The following USH2A variants were observed in gnomAD, a reference collection of about 807,000 sequenced individuals.
USH2A encodes Usher syndrome 2A (autosomal recessive, mild).
In USH2A, 443 loss-of-function variants were observed where a neutral mutation model predicts 538.9. The ratio of observed to expected loss-of-function variants is 0.82; its 90% CI spans 0.76 to 0.89. USH2A has a LOEUF of 0.89. USH2A is among the 40% of genes least tolerant of loss of function. The pLI is 0.00. For missense variants in USH2A, 6,633 were observed against 6,324.8 expected, an observed-to-expected ratio of 1.05 and a Z score of -1.65; for synonymous variants, 2,413 against 2,273.5, an observed-to-expected ratio of 1.06 and a Z score of -1.75.
At chr1:215,626,416 C>CAT (rs1250271647) in intron 71 of USH2A, among the ~76,000 whole-genome samples, 1 of 151,428 alleles carries the variant, frequency 6.6e-6, no homozygotes, top group Admixed American at 6.6e-5. Context: ...TGTATATATA[C>CAT]ATATATATAC....
At chr1:215,892,234 G>A (rs879882725) in intron 40 of USH2A, among the ~76,000 whole-genome samples, 1 of 152,114 alleles carries the variant, frequency 6.6e-6, no homozygotes, top group Non-Finnish European at 1.5e-5. Context: ...CAGTGGTTTT[G>A]TGAGTCTTCT....
Position 215,953,415 on chromosome 1 carries a change from C to G in USH2A, c.7120+11902G>C, listed in dbSNP as rs536183065. 3.9e-4 allele frequency among the ~76,000 whole-genome samples: 60 copies of G among 152,242 alleles called. 1 individual carries two copies. The highest frequency in any genetic ancestry group is 1.3e-3 in the African/African-American group (56 of 41,552). ...AGCCCTCAGAAATAATGCTGCATAT[C>G]TACAACTATCTGATCTTTGGCAAAC... On this transcript the variant is annotated intron_variant, in intron 37 of 71. Coordinates refer to ENST00000307340, the MANE Select transcript of USH2A (RefSeq NM_206933.4).
At chr1:216,311,290 C>T (rs555057888) in intron 9 of USH2A, among the ~76,000 whole-genome samples, 1 of 152,084 alleles carries the variant, frequency 6.6e-6, no homozygotes, top group African/African-American at 2.4e-5. Context: ...GGTCTCTTTC[C>T]GGTAACCCAG....
intron 69 of USH2A, among the ~76,000 whole-genome samples, chr1:215,635,748 G>C (rs1446026088): frequency 6.6e-6 from 1 of 151,796 alleles, no homozygotes; most frequent in Non-Finnish European, 1.5e-5. Context: ...TAGAGATGGG[G>C]TTTCACCATG....
At chr1:216,155,064 G>A (rs1038511051) in intron 21 of USH2A, among the ~76,000 whole-genome samples, 2 of 152,018 alleles carry the variant, frequency 1.3e-5, no homozygotes, top group Non-Finnish European at 2.9e-5. Context: ...ACAAAATTAC[G>A]ACAGTAAGAG....
chr1:216,378,421 C>T (rs950586819), intron 3 of USH2A, among the ~76,000 whole-genome samples: 1 of 152,042 alleles, frequency 6.6e-6, no homozygotes, highest in African/African-American at 2.4e-5. Flanking sequence ...TCCACAAATC[C>T]ACCTTTGAAT....
intron 9 of USH2A, among the ~76,000 whole-genome samples, chr1:216,318,815 C>T (rs2037553695): frequency 6.6e-6 from 1 of 152,150 alleles, no homozygotes; most frequent in Admixed American, 6.5e-5. Flanking sequence ...CATTCACCAC[C>T]TGAGACCAAG....
chr1:215,680,894 TA>T lies in USH2A; in HGVS notation c.12067-519del, dbSNP rs199857226. Among the ~76,000 whole-genome samples, 768 of 152,254 alleles carry T rather than the reference TA, an allele frequency of 5.0e-3. 6 individuals are homozygous for T. Among genetic ancestry groups the T allele is most frequent in the African/African-American group, 0.018 (728 of 41,554 alleles). On this transcript the variant is annotated intron_variant, in intron 61 of 71. Transcript: ENST00000307340. ...ATTCTCTTGGCATGTATATATATCT[TA>T]CGAATTCAATAAAACAAATAAACAC... is the stretch of plus-strand genomic sequence containing the variant.
intron 9 of USH2A, among the ~76,000 whole-genome samples, chr1:216,319,796 G>A (rs1443052396): frequency 1.3e-5 from 2 of 152,132 alleles, no homozygotes; most frequent in African/African-American, 4.8e-5. Flanking sequence ...AAGCAAATTA[G>A]ATCAGAGTAA....
chr1:216,208,011 A>G (rs2035154938), intron 15 of USH2A, among the ~76,000 whole-genome samples: 1 of 152,114 alleles, frequency 6.6e-6, no homozygotes. Flanking sequence ...CACCTGTTAG[A>G]GGTGTTTTTA....
intron 32 of USH2A, among the ~76,000 whole-genome samples, chr1:216,016,579 T>C (rs1436493457): frequency 2.0e-5 from 3 of 152,184 alleles, no homozygotes; most frequent in African/African-American, 7.2e-5. Flanking sequence ...GCGTAGTTTG[T>C]ACTCTACTGA....
chr1:216,011,751 C>A (rs1041494021), intron 32 of USH2A, among the ~76,000 whole-genome samples: 3 of 152,056 alleles, frequency 2.0e-5, no homozygotes, highest in African/African-American at 7.2e-5. Flanking sequence ...CTTCCTCATA[C>A]CTGACGCATA....
At chr1:216,416,328 T>A (rs1181215394) in intron 3 of USH2A, among the ~76,000 whole-genome samples, 3 of 152,134 alleles carry the variant, frequency 2.0e-5, no homozygotes, top group Non-Finnish European at 2.9e-5. Context: ...TAATGCTGCA[T>A]ACCCCTCAAA....
In USH2A at chr1:216,230,350, C is replaced by T. The variant is rs114311095; in HGVS notation, c.2993+1603G>A. ...TTTATTTACTATTTACTGTACCATG[C>T]GCTTTGTATACTCATTTAGATGATT... On this transcript the variant is annotated intron_variant, in intron 14 of 71. Transcript: ENST00000307340. 7.1e-3 allele frequency among the ~76,000 whole-genome samples: 1,079 copies of T among 152,128 alleles called. 13 individuals are homozygous for T. The highest frequency in any genetic ancestry group is 0.025 in the African/African-American group (1,046 of 41,494).
intron 9 of USH2A, among the ~76,000 whole-genome samples, chr1:216,297,987 G>A (rs2037139135): frequency 6.6e-6 from 1 of 152,148 alleles, no homozygotes. Flanking sequence ...AGTTCAATTA[G>A]CCATGCAATT....
chr1:216,093,320 G>T (rs984992219), intron 22 of USH2A, among the ~76,000 whole-genome samples: 1 of 152,142 alleles, frequency 6.6e-6, no homozygotes, highest in Admixed American at 6.5e-5. Flanking sequence ...TACAGCTTAG[G>T]GTTTGGCTAT....
intron 3 of USH2A, among the ~76,000 whole-genome samples, chr1:216,374,252 A>G (rs2038772720): frequency 6.6e-6 from 1 of 150,452 alleles, no homozygotes; most frequent in East Asian, 2.0e-4. Flanking sequence ...TTAAAGTATA[A>G]TAATAATAAA....
chr1:216,190,077 T>A, intron 20 of USH2A, 146 bp downstream of exon 20: 3 of 1,179,592 alleles, frequency 2.5e-6, no homozygotes, highest in Non-Finnish European at 3.6e-6. Flanking sequence ...GTTGTTGTTG[T>A]TTAAAACTGT....
intron 47 of USH2A, among the ~76,000 whole-genome samples, chr1:215,821,437 C>T (rs755789512): frequency 6.6e-6 from 1 of 151,606 alleles, no homozygotes; most frequent in Non-Finnish European, 1.5e-5. Flanking sequence ...ATCATTTTCC[C>T]ATTTTTAATC....
Sources: allele counts gnomAD v4.1 joint callset (sites outside exome capture counted in the v4.1 genomes callset), GRCh38; gene constraint gnomAD v4.1.1; transcripts MANE v1.5; gene names NCBI Gene and HGNC (gene_info 2026-07-23, HGNC 2026-07-21).